DENND5B: variants seen among roughly 807,000 people sequenced by gnomAD.
DENND5B encodes DENN domain-containing protein 5B.
Under a neutral mutation model 140.6 loss-of-function variants are expected in DENND5B, and 34 were observed. The ratio of observed to expected loss-of-function variants is 0.24; its 90% CI spans 0.18 to 0.32. The LOEUF is 0.32. DENND5B is among the 10% of genes least tolerant of loss of function. The pLI is 1.00. For missense variants in DENND5B, 1,142 were observed against 1,560.2 expected (o/e 0.73, Z 4.52); for synonymous variants, 551 against 562.1 (o/e 0.98, Z 0.28).
At chr12:31,430,314 C>T (rs772091620) in intron 8 of DENND5B, among the ~76,000 whole-genome samples, 4 of 151,026 alleles carry the variant, frequency 2.6e-5, no homozygotes, top group East Asian at 3.9e-4. Flanking sequence ...TAAGCCACTG[C>T]GCCTGGCCCC....
chr12:31,428,377 T>C (rs1943342681), intron 8 of DENND5B, among the ~76,000 whole-genome samples: 1 of 152,024 alleles, frequency 6.6e-6, no homozygotes, highest in Admixed American at 6.6e-5. Context: ...GAAAGAAGTA[T>C]ACATAAATGT....
At position 31,385,307 on chromosome 12, in the gene DENND5B, T is replaced by C. The variant is rs959236543; in HGVS notation, c.*2296A>G. Reference sequence around the variant, plus strand: ...AAACAAACATGAATTCTAGAGCTTGTGTTGTCAGTAACCAGCTGTGGGGTA... The same window carrying C: ...AAACAAACATGAATTCTAGAGCTTGCGTTGTCAGTAACCAGCTGTGGGGTA... On this transcript the variant is annotated 3_prime_UTR_variant, in exon 21 of 21. Coordinates refer to ENST00000389082, the MANE Select transcript of DENND5B (RefSeq NM_144973.4). 6.6e-6 allele frequency: 1 copy of C among 152,198 alleles called. No homozygotes were observed. The highest frequency in any genetic ancestry group is 6.5e-5 in the Admixed American group (1 of 15,272). 9.4% of individuals were successfully genotyped at this position (152,198 alleles called of 1,614,324 possible).
intron 1 of DENND5B, among the ~76,000 whole-genome samples, chr12:31,541,538 C>T (rs1948679627): frequency 6.6e-6 from 1 of 152,102 alleles, no homozygotes; most frequent in African/African-American, 2.4e-5. Flanking sequence ...TATACAAAGA[C>T]AGGCAATAAT....
chr12:31,477,503 C>T (rs1434882859), intron 3 of DENND5B: 1 of 152,476 alleles, frequency 6.6e-6, no homozygotes, highest in African/African-American at 2.4e-5. Flanking sequence ...AGCCACCACA[C>T]TTATGGCAGG....
intron 1 of DENND5B, among the ~76,000 whole-genome samples, chr12:31,559,112 A>G (rs1371208392): frequency 6.6e-6 from 1 of 152,212 alleles, no homozygotes. Flanking sequence ...ACTTTCTACC[A>G]TCCTCGTACT....
intron 1 of DENND5B, among the ~76,000 whole-genome samples, chr12:31,531,349 G>C (rs993369556): frequency 1.3e-5 from 2 of 152,198 alleles, no homozygotes; most frequent in African/African-American, 2.4e-5. Flanking sequence ...ACAGGCGCAT[G>C]CCACTACGTC....
chr12:31,464,817 C>T (rs1006893294), intron 3 of DENND5B, among the ~76,000 whole-genome samples: 3 of 152,114 alleles, frequency 2.0e-5, no homozygotes, highest in Middle Eastern at 3.4e-3. Context: ...TGCCTGCCTC[C>T]GCCTCCCAAA....
intron 17 of DENND5B, chr12:31,396,571 G>A (rs1941484117): frequency 6.6e-6 from 1 of 152,454 alleles, no homozygotes; most frequent in African/African-American, 2.4e-5. Flanking sequence ...ACACTGTATT[G>A]TAAGTGGAAA....
rs137879838 is a variant in DENND5B, at chr12:31,399,409, G to C, written c.3068+245C>G. On this transcript the variant is annotated intron_variant, in intron 16 of 20. Transcript: ENST00000389082. Reference sequence around the variant, plus strand: ...TTCTCCTGCCTCAGCCTCCCAAGTAGCTGGGATTACAAGCGTACACCACCA... The same window carrying C: ...TTCTCCTGCCTCAGCCTCCCAAGTACCTGGGATTACAAGCGTACACCACCA... Among the ~76,000 whole-genome samples, 1,719 of 150,280 alleles carry C rather than the reference G, an allele frequency of 0.011. 23 individuals carry two copies. Among genetic ancestry groups the C allele is most frequent in the African/African-American group, 0.04 (1,648 of 40,992 alleles).
intron 17 of DENND5B, among the ~76,000 whole-genome samples, chr12:31,393,967 G>A (rs991419001): frequency 8.5e-5 from 13 of 152,148 alleles, no homozygotes; most frequent in African/African-American, 3.1e-4. Context: ...TGGGATTACA[G>A]GCGTAAGCCA....
At chr12:31,417,855 GA>G (rs1942831109) in intron 11 of DENND5B, among the ~76,000 whole-genome samples, 1 of 152,144 alleles carries the variant, frequency 6.6e-6, no homozygotes, top group Non-Finnish European at 1.5e-5. Flanking sequence ...CTTAGAATGT[GA>G]ATTTTTGCTG....
chr12:31,552,860 T>C (rs1031895877), intron 1 of DENND5B, among the ~76,000 whole-genome samples: 6 of 152,176 alleles, frequency 3.9e-5, no homozygotes, highest in African/African-American at 1.4e-4. Flanking sequence ...TGCGTAGAGG[T>C]GTTTATAGTA....
chr12:31,448,594 T>G (rs1944375247), intron 5 of DENND5B, among the ~76,000 whole-genome samples: 1 of 152,202 alleles, frequency 6.6e-6, no homozygotes, highest in East Asian at 1.9e-4. Context: ...TGTTCTTCTT[T>G]AAGTGAATGC....
intron 1 of DENND5B, among the ~76,000 whole-genome samples, chr12:31,541,370 A>G (rs117684063): frequency 5.9e-5 from 9 of 152,310 alleles, no homozygotes; most frequent in Admixed American, 1.3e-4. Flanking sequence ...AAAAAATCTA[A>G]TCATCCAATC....
intron 17 of DENND5B, among the ~76,000 whole-genome samples, chr12:31,394,616 T>TC (rs747022904): frequency 1.2e-4 from 2 of 16,142 alleles, no homozygotes; most frequent in African/African-American, 1.7e-4. Context: ...CCCTGTGCTC[T>TC]TTTTTTTTTT....
intron 3 of DENND5B, among the ~76,000 whole-genome samples, chr12:31,468,254 A>G (rs1316706039): frequency 6.6e-6 from 1 of 151,286 alleles, no homozygotes; most frequent in Non-Finnish European, 1.5e-5. Flanking sequence ...ACCCTGTCTC[A>G]AATTATTTAT....
intron 1 of DENND5B, among the ~76,000 whole-genome samples, chr12:31,568,746 C>T (rs555986386): frequency 6.0e-4 from 92 of 152,314 alleles, no homozygotes; most frequent in Admixed American, 9.2e-4. Flanking sequence ...ACCCTGAACA[C>T]ATGCCCCCAA....
intron 1 of DENND5B, among the ~76,000 whole-genome samples, chr12:31,565,020 C>T (rs1949581046): frequency 6.6e-6 from 1 of 152,170 alleles, no homozygotes; most frequent in South Asian, 2.1e-4. Context: ...TAGATCCTAA[C>T]AGATTTAATC....
At chr12:31,397,705 C>A (rs767139811) in intron 17 of DENND5B, among the ~76,000 whole-genome samples, 11 of 152,022 alleles carry the variant, frequency 7.2e-5, no homozygotes, top group Non-Finnish European at 1.6e-4. Flanking sequence ...GCAGGCAGAT[C>A]GCTTGAGCTC....
Sources: gnomAD v4.1 joint callset for allele counts (sites outside exome capture counted in the v4.1 genomes callset) on GRCh38, gnomAD v4.1.1 for gene constraint, MANE v1.5 for transcripts, NCBI Gene and HGNC (gene_info 2026-07-23, HGNC 2026-07-21) for gene names.